TBXAS1: variants seen among roughly 807,000 people sequenced by gnomAD.
TBXAS1 encodes the protein thromboxane A synthase 1.
In TBXAS1, 48 loss-of-function variants were observed where a neutral mutation model predicts 60.7. The observed-to-expected ratio is 0.79, with a 90% CI of 0.63 to 1.01. TBXAS1 has a LOEUF of 1.01. Among genes scored for constraint, TBXAS1 ranks in the 50% least tolerant of loss-of-function variants. TBXAS1 has a pLI of 0.00. For missense variants in TBXAS1, 685 were observed against 686.3 expected, an observed-to-expected ratio of 1.00 and a Z score of 0.02; for synonymous variants, 287 against 269.7, an observed-to-expected ratio of 1.06 and a Z score of -0.63.
At chr7:139,893,249 C>T (rs1569509356) in intron 3 of TBXAS1, among the ~76,000 whole-genome samples, 1 of 151,220 alleles carries the variant, frequency 6.6e-6, no homozygotes, top group Non-Finnish European at 1.5e-5. Context: ...TGTTCTAAGC[C>T]CACACATCAT....
chr7:139,880,846 AG>A, intron 3 of TBXAS1, among the ~76,000 whole-genome samples: 1 of 152,324 alleles, frequency 6.6e-6, no homozygotes, highest in South Asian at 2.1e-4. Flanking sequence ...ATTAGGTCAA[AG>A]ATGGTCTATG....
chr7:139,862,954 C>G (rs565526950), intron 1 of TBXAS1, among the ~76,000 whole-genome samples: 1 of 152,190 alleles, frequency 6.6e-6, no homozygotes, highest in Non-Finnish European at 1.5e-5. Context: ...TAGTGAATAA[C>G]GGCACTTGTC....
At chr7:139,933,476 A>C (rs769407446) in intron 4 of TBXAS1, among the ~76,000 whole-genome samples, 29 of 152,150 alleles carry the variant, frequency 1.9e-4, no homozygotes, top group Non-Finnish European at 3.2e-4. Context: ...TCAACTCTGG[A>C]ACCTAAACAA....
At chr7:139,929,337 G>T (rs1807131107) in intron 4 of TBXAS1, among the ~76,000 whole-genome samples, 1 of 152,154 alleles carries the variant, frequency 6.6e-6, no homozygotes, top group Admixed American at 6.5e-5. Flanking sequence ...TCCCCTATTG[G>T]CTGGGGTTAG....
chr7:139,952,629 C>T (rs377719655), intron 5 of TBXAS1: 59 of 1,537,106 alleles, frequency 3.8e-5, no homozygotes, highest in Non-Finnish European at 5.0e-5. Flanking sequence ...TCCACCCACC[C>T]GTTTGTCGAA....
chr7:139,809,153 GTAGATAGA>G (rs60399618), intron 4 of TBXAS1, among the ~76,000 whole-genome samples: 5 of 150,160 alleles, frequency 3.3e-5, no homozygotes, highest in African/African-American at 9.9e-5. Flanking sequence ...TAGGAGATAG[GTAGATAGA>G]TAGATAGATA....
At chr7:139,824,094 G>A (rs756978849) in intron 4 of TBXAS1, among the ~76,000 whole-genome samples, 2 of 152,112 alleles carry the variant, frequency 1.3e-5, no homozygotes, top group Non-Finnish European at 2.9e-5. Flanking sequence ...TTAAACATAG[G>A]GAACATGAAG....
intron 10 of TBXAS1, among the ~76,000 whole-genome samples, chr7:140,009,884 C>T (rs1245548450): frequency 9.5e-6 from 1 of 104,758 alleles, no homozygotes; most frequent in Non-Finnish European, 1.9e-5. Flanking sequence ...CCTCCATGCC[C>T]GCCCCACACC....
At chr7:139,971,979 CTG>C (rs1295475612) in intron 9 of TBXAS1, among the ~76,000 whole-genome samples, 1 of 152,182 alleles carries the variant, frequency 6.6e-6, no homozygotes, top group Non-Finnish European at 1.5e-5. Context: ...TCCCAGAAGC[CTG>C]TAAGTGCACA....
intron 9 of TBXAS1, among the ~76,000 whole-genome samples, chr7:140,001,507 T>G (rs909484682): frequency 1.3e-5 from 2 of 152,188 alleles, no homozygotes; most frequent in Admixed American, 1.3e-4. Flanking sequence ...TTTTCCTGCC[T>G]CAGCCTCCCA....
At chr7:139,991,391 C>T (rs942702850) in intron 9 of TBXAS1, among the ~76,000 whole-genome samples, 1 of 150,966 alleles carries the variant, frequency 6.6e-6, no homozygotes, top group East Asian at 2.0e-4. Flanking sequence ...GTCCTCCTGG[C>T]TTCTCCACCC....
At chr7:139,836,575 T>C (rs1424982228) in intron 1 of TBXAS1, among the ~76,000 whole-genome samples, 2 of 152,180 alleles carry the variant, frequency 1.3e-5, no homozygotes, top group South Asian at 4.1e-4. Context: ...AAGGACACCT[T>C]TATCAACAAA....
chr7:139,829,509 C>G, intron 1 of TBXAS1, 30 bp downstream of exon 1: 1 of 1,600,978 alleles, frequency 6.2e-7, no homozygotes, highest in East Asian at 2.2e-5. Context: ...GGGACTGTGA[C>G]AGCGTCAGCC....
At chr7:139,884,984 G>A (rs1386820407) in intron 3 of TBXAS1, among the ~76,000 whole-genome samples, 1 of 152,184 alleles carries the variant, frequency 6.6e-6, no homozygotes, top group Non-Finnish European at 1.5e-5. Context: ...TGCTGGAGAG[G>A]CACCGAGTCT....
At chr7:139,921,991 CA>C (rs1283624577) in intron 4 of TBXAS1, among the ~76,000 whole-genome samples, 1 of 152,086 alleles carries the variant, frequency 6.6e-6, no homozygotes, top group Non-Finnish European at 1.5e-5. Flanking sequence ...TTCATCTTGC[CA>C]TTATTTTTCA....
intron 4 of TBXAS1, among the ~76,000 whole-genome samples, chr7:139,818,879 C>T (rs1056342666): frequency 1.3e-5 from 2 of 152,158 alleles, no homozygotes; most frequent in South Asian, 2.1e-4. Context: ...AGCAACTCAG[C>T]CTCCTGGAGA....
rs1292810888 is a variant in TBXAS1, at chr7:139,916,142, C to G, written c.333+4821C>G. On this transcript the variant is annotated intron_variant, in intron 4 of 12. Coordinates refer to ENST00000448866, the MANE Select transcript of TBXAS1 (RefSeq NM_001061.7). This position sits in a 1 kb window ranked among gnomAD's most constrained non-coding sequence, Gnocchi z 4.2. ...GGTACCTAATGAAACCATAGGGCAG[C>G]TCTTTTTTAAATATCTGTGGAAAAT... Among the ~76,000 whole-genome samples, 1 of 152,180 alleles carries G rather than the reference C, an allele frequency of 6.6e-6. No individual in the cohort carries two copies. Among genetic ancestry groups the G allele is most frequent in the Non-Finnish European group, 1.5e-5 (1 of 68,032 alleles).
At chr7:139,802,511 G>A (rs1208914483) in intron 4 of TBXAS1, among the ~76,000 whole-genome samples, 2 of 152,068 alleles carry the variant, frequency 1.3e-5, no homozygotes, top group Non-Finnish European at 2.9e-5. Flanking sequence ...CCGGCTGTTC[G>A]CAGTGGCTCA....
chr7:139,838,021 C>T (rs377077179), intron 1 of TBXAS1, among the ~76,000 whole-genome samples: 1 of 152,156 alleles, frequency 6.6e-6, no homozygotes, highest in African/African-American at 2.4e-5. Context: ...CCATCAGCCC[C>T]GCCCCAGGAC....
Sources: gnomAD v4.1 joint callset for allele counts (sites outside exome capture counted in the v4.1 genomes callset) on GRCh38, gnomAD v4.1.1 for gene constraint, Gnocchi (gnomAD v3.1) non-coding constraint, MANE v1.5 for transcripts, NCBI Gene and HGNC (gene_info 2026-07-23, HGNC 2026-07-21) for gene names.